The following PDE10A variants were observed in gnomAD, a reference collection of about 807,000 sequenced individuals.
The protein encoded by PDE10A is phosphodiesterase 10A.
In PDE10A, 39 loss-of-function variants were observed where a neutral mutation model predicts 97.7. That is an observed-to-expected ratio of 0.40 (90% CI 0.31 to 0.52). The LOEUF (loss-of-function observed/expected upper bound fraction) is 0.52. Among genes scored for constraint, PDE10A ranks in the 20% least tolerant of loss-of-function variants. The pLI is 0.56. For synonymous variants in PDE10A, 371 were observed against 376.8 expected (o/e 0.98, Z 0.18); for missense variants, 731 against 1,047.8 (o/e 0.70, Z 4.17).
intron 20 of PDE10A, among the ~76,000 whole-genome samples, chr6:165,338,659 G>T (rs767278578): frequency 1.3e-5 from 2 of 152,156 alleles, no homozygotes; most frequent in African/African-American, 4.8e-5. Context: ...AAATATCTTT[G>T]TTTAGCCAAT....
At chr6:165,823,368 C>T (rs987131704) in intron 1 of PDE10A, among the ~76,000 whole-genome samples, 1 of 150,350 alleles carries the variant, frequency 6.7e-6, no homozygotes, top group African/African-American at 2.4e-5. Context: ...CTCCCACCTC[C>T]ACCTCTTGTC....
chr6:165,833,755 C>T (rs542324833), intron 1 of PDE10A, among the ~76,000 whole-genome samples: 10 of 152,188 alleles, frequency 6.6e-5, no homozygotes, highest in Non-Finnish European at 7.3e-5. Context: ...GAAAGACCAG[C>T]CCTGGGAAGG....
intron 1 of PDE10A, among the ~76,000 whole-genome samples, chr6:165,584,612 G>A (rs1785803784): frequency 6.6e-6 from 1 of 152,146 alleles, no homozygotes; most frequent in Admixed American, 6.5e-5. Flanking sequence ...ATTCCTTTTT[G>A]TTTGGCCCCT....
chr6:165,518,103 G>T (rs887983414), intron 2 of PDE10A, among the ~76,000 whole-genome samples: 1 of 152,118 alleles, frequency 6.6e-6, no homozygotes. Flanking sequence ...AAAATATTTT[G>T]CTAAACACTC....
intron 1 of PDE10A, among the ~76,000 whole-genome samples, chr6:165,748,873 T>G (rs1017780457): frequency 1.3e-5 from 2 of 152,024 alleles, no homozygotes; most frequent in African/African-American, 4.8e-5. Context: ...AAACAGCAAC[T>G]AGAATTATAT....
chr6:165,944,831 GA>G (rs918563404), intron 1 of PDE10A, among the ~76,000 whole-genome samples: 19 of 151,110 alleles, frequency 1.3e-4, no homozygotes, highest in Middle Eastern at 3.4e-3. Context: ...GAAAATTTTT[GA>G]AAAAAAAGTA....
chr6:165,661,231 T>C lies in PDE10A; in HGVS notation c.865+716A>G, dbSNP rs1286729209. Reference sequence around the variant, plus strand: ...AGTCGGAGGCGGCGGCGCCTTTCTCTTCCACCCTAGCGACCTATTGTCCTT... The same window carrying C: ...AGTCGGAGGCGGCGGCGCCTTTCTCCTCCACCCTAGCGACCTATTGTCCTT... On this transcript the variant is annotated intron_variant, in intron 1 of 21. Coordinates refer to ENST00000539869, the MANE Select transcript of PDE10A (RefSeq NM_001385079.1). The surrounding 1 kb of genome is among the most constrained non-coding windows in gnomAD (Gnocchi z 4.8). 6.6e-6 allele frequency: 1 copy of C among 152,594 alleles called. No individual in the cohort carries two copies. Among genetic ancestry groups the C allele is most frequent in the Non-Finnish European group, 1.5e-5 (1 of 68,442 alleles). The allele number at this position is 152,594 out of a possible 1,614,324, so 9.5% of individuals were successfully genotyped here.
At chr6:165,546,324 T>C (rs987381693) in intron 1 of PDE10A, among the ~76,000 whole-genome samples, 1 of 152,034 alleles carries the variant, frequency 6.6e-6, no homozygotes, top group African/African-American at 2.4e-5. Flanking sequence ...AACTATTCTG[T>C]AAGACACTAT....
At position 165,413,501 on chromosome 6, in the gene PDE10A, A is replaced by G; in HGVS notation, c.2076T>C (p.Asn692=). The change falls in exon 13 of 22, where the codon AAT becomes AAC. Residue 692 remains asparagine, a splice_region_variant and synonymous_variant. Transcript: ENST00000539869. The part of the protein sequence containing the change: ...VFCALALHCA[N]MYHRIRHSEC... ...ATGGTATTTAATAAATAGTACTTAC[A>G]TTAGCACAGTGTAAGGCTAAAGCAC... 1 of 1,610,012 alleles carries G rather than the reference A, an allele frequency of 6.2e-7. No individual in the cohort carries two copies. The highest frequency in any genetic ancestry group is 8.5e-7 in the Non-Finnish European group (1 of 1,176,250).
chr6:165,365,933 T>C (rs542936610), intron 18 of PDE10A, among the ~76,000 whole-genome samples: 1 of 152,066 alleles, frequency 6.6e-6, no homozygotes, highest in Non-Finnish European at 1.5e-5. Flanking sequence ...CATGCAAATA[T>C]GCTAAAAAAG....
At chr6:165,520,539 G>T (rs973964577) in intron 2 of PDE10A, among the ~76,000 whole-genome samples, 1 of 152,140 alleles carries the variant, frequency 6.6e-6, no homozygotes, top group Non-Finnish European at 1.5e-5. Flanking sequence ...TGATTTGACA[G>T]AGCATCTAGG....
At chr6:165,341,519 A>C (rs1764074679) in intron 19 of PDE10A, among the ~76,000 whole-genome samples, 2 of 152,226 alleles carry the variant, frequency 1.3e-5, no homozygotes, top group Non-Finnish European at 2.9e-5. Flanking sequence ...GATATTTCAC[A>C]AACAGTGCAA....
At chr6:165,791,563 TTC>T (rs1778650260) in intron 1 of PDE10A, among the ~76,000 whole-genome samples, 1 of 152,134 alleles carries the variant, frequency 6.6e-6, no homozygotes, top group South Asian at 2.1e-4. Context: ...TGTCCACACT[TTC>T]TGAGACACCT....
At chr6:165,545,643 T>C (rs1783702447) in intron 1 of PDE10A, among the ~76,000 whole-genome samples, 1 of 152,046 alleles carries the variant, frequency 6.6e-6, no homozygotes, top group African/African-American at 2.4e-5. Flanking sequence ...AAGATATAGA[T>C]ATGGCAATAA....
At chr6:165,561,218 C>CA (rs879668151) in intron 1 of PDE10A, among the ~76,000 whole-genome samples, 5,574 of 123,426 alleles carry the variant, frequency 0.045, 395 homozygotes, top group African/African-American at 0.15. Context: ...GACTCCAACT[C>CA]AAAAAAAAAA....
chr6:165,962,671 C>T (rs149917973), intron 1 of PDE10A, among the ~76,000 whole-genome samples: 7 of 152,338 alleles, frequency 4.6e-5, no homozygotes, highest in Non-Finnish European at 7.4e-5. Context: ...AGCTCCCAGA[C>T]GGGCTGTGGT....
chr6:165,938,682 A>G (rs1271355291), intron 1 of PDE10A, among the ~76,000 whole-genome samples: 1 of 152,062 alleles, frequency 6.6e-6, no homozygotes, highest in Non-Finnish European at 1.5e-5. Context: ...TGCTTACTCA[A>G]GAAATAGATT....
chr6:165,598,796 T>G (rs1786757655), intron 1 of PDE10A, among the ~76,000 whole-genome samples: 1 of 152,168 alleles, frequency 6.6e-6, no homozygotes, highest in Non-Finnish European at 1.5e-5. Flanking sequence ...TAGGAAAATT[T>G]TAAACTAATA....
At chr6:165,433,923 AG>A (rs1789792060) in intron 6 of PDE10A, among the ~76,000 whole-genome samples, 1 of 148,508 alleles carries the variant, frequency 6.7e-6, no homozygotes, top group Non-Finnish European at 1.5e-5. Flanking sequence ...AGCCTGAGGC[AG>A]GAGAATGGCG....
Sources: gnomAD v4.1 joint callset for allele counts (sites outside exome capture counted in the v4.1 genomes callset) on GRCh38, gnomAD v4.1.1 for gene constraint, Gnocchi (gnomAD v3.1) non-coding constraint, MANE v1.5 for transcripts, NCBI Gene and HGNC (gene_info 2026-07-23, HGNC 2026-07-21) for gene names.